The following GAA variants were observed in gnomAD, a reference collection of about 807,000 sequenced individuals.
GAA encodes lysosomal alpha-glucosidase.
GAA carries 88 observed loss-of-function variants against 103.9 expected under a neutral mutation model. The observed-to-expected ratio is 0.85, with a 90% CI of 0.71 to 1.01. The LOEUF (loss-of-function observed/expected upper bound fraction) is 1.01, where lower values mean the gene tolerates loss of function less well. GAA is among the 50% of genes least tolerant of loss of function. The pLI is 0.00. For missense variants in GAA, 1,350 were observed against 1,305.3 expected, an observed-to-expected ratio of 1.03 and a Z score of -0.53; for synonymous variants, 572 against 563.1, an observed-to-expected ratio of 1.02 and a Z score of -0.22.
At chr17:80,116,593 C>A (rs543174225) in intron 15 of GAA, among the ~76,000 whole-genome samples, 1 of 152,340 alleles carries the variant, frequency 6.6e-6, no homozygotes, top group Non-Finnish European at 1.5e-5. Flanking sequence ...AGGATCTTTT[C>A]TCTTTGTTGA....
intron 3 of GAA, among the ~76,000 whole-genome samples, chr17:80,107,332 C>T (rs922530839): frequency 1.1e-4 from 16 of 152,156 alleles, no homozygotes; most frequent in African/African-American, 3.6e-4. Flanking sequence ...CCCAGCCAGG[C>T]GGTGCGCCTC....
chr17:80,110,967 CAG>C lies in GAA; in HGVS notation c.1579_1580del (p.Arg527GlyfsTer3), dbSNP rs1291214871. 1 of 1,613,940 alleles carries C rather than the reference CAG, an allele frequency of 6.2e-7. No homozygotes were observed. The highest frequency in any genetic ancestry group is 8.5e-7 in the Non-Finnish European group (1 of 1,179,970). ...ACATGAACGAGCCTTCCAACTTCAT[CAG>C]GGGCTCTGAGGACGGCTGCCCCAAC... ...IDMNEPSNFI[R>X]GSEDGCPNNE... On this transcript the variant is annotated frameshift_variant, in exon 11 of 20. Transcript: ENST00000302262. LOFTEE classifies it high-confidence loss of function.
chr17:80,116,724 C>A, intron 15 of GAA: 1 of 567,026 alleles, frequency 1.8e-6, no homozygotes, highest in Non-Finnish European at 3.2e-6. Context: ...CAAGCACAAG[C>A]CCCTATTCCT....
At chr17:80,105,240 G>C in intron 2 of GAA, 108 bp downstream of exon 2, 1 of 1,150,508 alleles carries the variant, frequency 8.7e-7, no homozygotes, top group Non-Finnish European at 1.2e-6. Context: ...CTGTGTGCTG[G>C]GCCCTTGCTG....
intron 2 of GAA, 125 bp from the exon 3 acceptor site, chr17:80,105,624 G>A (rs2039064392): frequency 8.6e-7 from 1 of 1,165,332 alleles, no homozygotes; most frequent in Non-Finnish European, 1.3e-6. Context: ...GAGGCTGAAT[G>A]TGCTGCCCAT....
intron 18 of GAA, 106 bp downstream of exon 18, chr17:80,118,463 G>C: frequency 6.8e-7 from 1 of 1,472,966 alleles, no homozygotes; most frequent in South Asian, 1.2e-5. Flanking sequence ...CTGCCACTAG[G>C]ACACTCTAGC....
chr17:80,104,869 G>A lies in GAA; in HGVS notation c.283G>A (p.Asp95Asn), dbSNP rs1211571161. Residue 95 changes from aspartate (D) to asparagine (N), a missense_variant, in exon 2 of 20, where the codon GAC becomes AAC. Asp to Asn is a conservative substitution (Grantham distance 23). Coordinates refer to ENST00000302262, the MANE Select transcript of GAA (RefSeq NM_000152.5). The surrounding 1 kb of genome is among the most constrained non-coding windows in gnomAD (Gnocchi z 4.0). ...PPNSRFDCAP[D>N]KAITQEQCEA... ...CAACAGCCGCTTCGATTGCGCCCCTGACAAGGCCATCACCCAGGAACAGTG... is the reference window on the plus strand; with the variant it reads ...CAACAGCCGCTTCGATTGCGCCCCTAACAAGGCCATCACCCAGGAACAGTG... The A allele has an allele frequency of 6.2e-7, 1 of 1,612,842 alleles. No individual in the cohort carries two copies. Among genetic ancestry groups the A allele is most frequent in the African/African-American group, 1.3e-5 (1 of 74,922 alleles).
chr17:80,118,488 C>T (rs2039410037), intron 18 of GAA, 131 bp downstream of exon 18: 1 of 1,420,406 alleles, frequency 7.0e-7, no homozygotes, highest in Non-Finnish European at 9.8e-7. Flanking sequence ...GGCCTGGGGT[C>T]CTAGAGTGAG....
intron 15 of GAA, among the ~76,000 whole-genome samples, chr17:80,114,257 A>G (rs901155482): frequency 1.3e-5 from 2 of 152,228 alleles, no homozygotes; most frequent in Non-Finnish European, 2.9e-5. Context: ...TAGGTAGAGA[A>G]CTCATACGTT....
chr17:80,111,009 C>G lies in GAA; in HGVS notation c.1620C>G (p.Asn540Lys). 1.2e-6 allele frequency: 2 copies of G among 1,613,910 alleles called. No homozygotes were observed. The highest frequency in any genetic ancestry group is 1.7e-6 in the Non-Finnish European group (2 of 1,180,016). The change falls in exon 11 of 20, where the codon AAC (asparagine) becomes AAG (lysine). Residue 540 changes from asparagine to lysine, a missense_variant. Physicochemically the swap from Asn to Lys is moderately conservative, Grantham distance 94. Coordinates refer to ENST00000302262, the MANE Select transcript of GAA (RefSeq NM_000152.5). ...GCTGCCCCAACAATGAGCTGGAGAA[C>G]CCACCCTACGTGCCTGGTCAGCTCG... ...EDGCPNNELE[N>K]PPYVPGVVGG...
rs1484576607 is a variant in GAA, at chr17:80,113,222, A to G, written c.2045A>G (p.Gln682Arg). 6.3e-7 allele frequency: 1 copy of G among 1,599,330 alleles called. No individual in the cohort carries two copies. ...RNHNSLLSLPQEPYSFSEPAQ... is the reference protein window; with the variant it reads ...RNHNSLLSLPREPYSFSEPAQ... ...TTGCCCCCGCCTGCCCTGCAGCCCC[A>G]GGAGCCGTACAGCTTCAGCGAGCCG... Residue 682 changes from glutamine (Q) to arginine (R), a missense_variant, in exon 15 of 20, where the codon CAG (glutamine) becomes CGG (arginine). Gln to Arg is a conservative substitution (Grantham distance 43). Coordinates refer to ENST00000302262, the MANE Select transcript of GAA (RefSeq NM_000152.5).
Position 80,104,461 on chromosome 17 carries a change from T to C in GAA, c.-32-94T>C, listed in dbSNP as rs2039020466. On this transcript the variant is annotated intron_variant, in intron 1 of 19. Coordinates refer to ENST00000302262, the MANE Select transcript of GAA (RefSeq NM_000152.5). This position sits in a 1 kb window ranked among gnomAD's most constrained non-coding sequence, Gnocchi z 4.0. ...TACCCCACCTGCCTGGGTGCTGCAG[T>C]GCCAGCCGCGGTTGATGTCTCAGAG... The C allele has an allele frequency of 1.1e-5, 10 of 908,072 alleles. No individual in the cohort carries two copies. In the Admixed American group the frequency reaches 1.8e-4, roughly 17 times the overall value. 56.3% of individuals were successfully genotyped at this position (908,072 alleles called of 1,614,324 possible).
rs1365945556 is a variant in GAA at position 80,117,712 on chromosome 17, A to G, written c.2444A>G (p.Asn815Ser). The G allele has an allele frequency of 8.7e-6, 14 of 1,611,914 alleles. No individual in the cohort carries two copies. The Admixed American group carries it at 1.2e-4, about 13-fold the overall frequency. Residue 815 changes from asparagine (N) to serine (S), a missense_variant, in exon 17 of 20, where the codon AAC becomes AGC. Asn to Ser is a conservative substitution (Grantham distance 46, BLOSUM62 1). Transcript: ENST00000302262. ...VTLPAPLDTI[N>S]VHLRAGYIIP... The stretch of plus-strand genomic sequence containing the variant: ...CTGCCGGCCCCCCTGGACACCATCA[A>G]CGTCCACCTCCGGGCTGGGTACATC...
chr17:80,114,045 A>G (rs984499863), intron 15 of GAA, among the ~76,000 whole-genome samples: 7 of 151,214 alleles, frequency 4.6e-5, no homozygotes, highest in African/African-American at 7.3e-5. Context: ...CTCCACAGGA[A>G]AAGATAAGTG....
rs12937590 is a variant in GAA at position 80,107,144 on chromosome 17, A to G, written c.693-413A>G. ...CCAGCAAACCTCAGGGGTCCTTCTC[A>G]GGCATGGCTGGGCTGGGATCTGGGA... On this transcript the variant is annotated intron_variant, in intron 3 of 19. Transcript: ENST00000302262. Among the ~76,000 whole-genome samples the G allele has an allele frequency of 0.65, 99,324 of 151,716 alleles. 33,344 individuals carry two copies. The highest frequency in any genetic ancestry group is 0.85 in the Middle Eastern group (250 of 294).
chr17:80,117,530 G>C (rs544642952), intron 16 of GAA, 70 bp from the exon 17 acceptor site: 3 of 1,566,286 alleles, frequency 1.9e-6, no homozygotes, highest in African/African-American at 1.4e-5. Flanking sequence ...GAGATGGAGA[G>C]CGTGGTTCCT....
intron 16 of GAA, 54 bp from the exon 17 acceptor site, chr17:80,117,546 C>G: frequency 6.2e-7 from 1 of 1,604,070 alleles, no homozygotes; most frequent in South Asian, 1.1e-5. Flanking sequence ...TTCCTGAGGA[C>G]AGCATGGGGG....
Position 80,104,948 on chromosome 17 carries a change from A to G in GAA, c.362A>G (p.Gln121Arg), listed in dbSNP as rs150284874. The change falls in exon 2 of 20, where the codon CAG becomes CGG. Residue 121 changes from glutamine to arginine, a missense_variant. Coordinates refer to ENST00000302262, the MANE Select transcript of GAA (RefSeq NM_000152.5). This position sits in a 1 kb window ranked among gnomAD's most constrained non-coding sequence, Gnocchi z 4.0. ...IPAKQGLQGA[Q>R]MGQPWCFFPP... The stretch of plus-strand genomic sequence containing the variant: ...GCAAAGCAGGGGCTGCAGGGAGCCC[A>G]GATGGGGCAGCCCTGGTGCTTCTTC... 2.8e-5 allele frequency: 45 copies of G among 1,612,406 alleles called. No homozygotes were observed. In the African/African-American group the frequency reaches 4.9e-4, roughly 18 times the overall value.
chr17:80,110,624 C>A, intron 9 of GAA, 103 bp from the exon 10 acceptor site: 1 of 982,484 alleles, frequency 1.0e-6, no homozygotes, highest in Non-Finnish European at 1.6e-6. Context: ...TGGGCGTCCA[C>A]TAAGAGTGAG....
Sources: allele counts gnomAD v4.1 joint callset (sites outside exome capture counted in the v4.1 genomes callset), GRCh38; gene constraint gnomAD v4.1.1; non-coding constraint Gnocchi (gnomAD v3.1); transcripts MANE v1.5; gene names NCBI Gene and HGNC (gene_info 2026-07-23, HGNC 2026-07-21).